SHISAL1: variants seen among roughly 807,000 people sequenced by gnomAD.
The protein encoded by SHISAL1 is shisa like 1.
In SHISAL1, 9 loss-of-function variants were observed where a neutral mutation model predicts 22.6. The observed-to-expected ratio is 0.40, with a 90% CI of 0.24 to 0.70. SHISAL1 has a LOEUF of 0.70. SHISAL1 is among the 30% of genes least tolerant of loss of function. SHISAL1 has a pLI of 0.39. For synonymous variants in SHISAL1, 119 were observed against 115.4 expected (o/e 1.03, Z -0.20); for missense variants, 246 against 270.6 (o/e 0.91, Z 0.64).
intron 3 of SHISAL1, among the ~76,000 whole-genome samples, chr22:44,291,356 G>A (rs2055351314): frequency 1.3e-5 from 2 of 152,194 alleles, no homozygotes; most frequent in African/African-American, 2.4e-5. Flanking sequence ...CAGGATGACC[G>A]ATACGGCTGA....
At chr22:44,271,578 A>G (rs1161554607) in intron 4 of SHISAL1, among the ~76,000 whole-genome samples, 1 of 152,232 alleles carries the variant, frequency 6.6e-6, no homozygotes, top group Non-Finnish European at 1.5e-5. Flanking sequence ...GAAATATTTT[A>G]GCAGTTAAGA....
chr22:44,317,326 G>A (rs1601811880), upstream of SHISAL1, among the ~76,000 whole-genome samples: 1 of 152,214 alleles, frequency 6.6e-6, no homozygotes, highest in African/African-American at 2.4e-5. Context: ...AGCAAGCCAG[G>A]CCTGTCCTTA....
intron 4 of SHISAL1, among the ~76,000 whole-genome samples, chr22:44,263,255 G>C (rs1362809637): frequency 6.6e-6 from 1 of 151,952 alleles, no homozygotes; most frequent in Admixed American, 6.6e-5. Context: ...ATTTTTAGTA[G>C]AGATGGGGTT....
rs955133765 is a variant in SHISAL1, at chr22:44,248,568, C to G, written c.*1117G>C. 2.0e-5 allele frequency: 3 copies of G among 152,166 alleles called. No homozygotes were observed. The highest frequency in any genetic ancestry group is 2.0e-4 in the Admixed American group (3 of 15,270). The allele number at this position is 152,166 out of a possible 1,614,324, so 9.4% of individuals were successfully genotyped here. A position where few individuals can be genotyped will look rare whatever the true frequency, so the allele number is the denominator to read the frequency against. On this transcript the variant is annotated 3_prime_UTR_variant, in exon 5 of 5. Transcript: ENST00000381176. ...AACGCTCCTGCCTGGGTTTCCATGG[C>G]CTTGTTACCCTTTCCAGCAAAGATC...
chr22:44,316,428 A>G (rs1379269145), upstream of SHISAL1, among the ~76,000 whole-genome samples: 3 of 150,356 alleles, frequency 2.0e-5, no homozygotes, highest in East Asian at 6.0e-4. Context: ...GGGGCAAAGG[A>G]TTTGCATCTC....
chr22:44,254,743 G>T (rs1156911412), intron 4 of SHISAL1, among the ~76,000 whole-genome samples: 2 of 130,768 alleles, frequency 1.5e-5, no homozygotes, highest in African/African-American at 6.4e-5. Flanking sequence ...ATATGTAGAA[G>T]GTGGAGGTGA....
chr22:44,304,739 G>A (rs2055458445), intron 1 of SHISAL1, among the ~76,000 whole-genome samples: 1 of 152,190 alleles, frequency 6.6e-6, no homozygotes, highest in Non-Finnish European at 1.5e-5. Flanking sequence ...AAAATGCGCT[G>A]TGGGAGTGGA....
intron 4 of SHISAL1, among the ~76,000 whole-genome samples, chr22:44,267,895 G>A (rs1370595183): frequency 6.6e-6 from 1 of 152,254 alleles, no homozygotes; most frequent in East Asian, 1.9e-4. Context: ...ATGGAAGGCT[G>A]TGGATGCCCA....
chr22:44,244,979 T>A lies in SHISAL1; in HGVS notation c.*4706A>T, dbSNP rs891311479. On this transcript the variant is annotated 3_prime_UTR_variant, in exon 5 of 5. Transcript: ENST00000381176. ...GGCACTGTGCATGGCATCTGGCACA[T>A]AGTAAGTGCGCAGGCTTGTCTTCCA... 6.6e-6 allele frequency: 1 copy of A among 152,240 alleles called. No individual in the cohort carries two copies. The highest frequency in any genetic ancestry group is 1.5e-5 in the Non-Finnish European group (1 of 68,074). The allele number at this position is 152,240 out of a possible 1,614,324, so 9.4% of individuals were successfully genotyped here.
chr22:44,272,421 T>G (rs2055211718), intron 4 of SHISAL1, among the ~76,000 whole-genome samples: 1 of 152,224 alleles, frequency 6.6e-6, no homozygotes, highest in South Asian at 2.1e-4. Context: ...GCCCGGCCTT[T>G]TTCATCTTTC....
chr22:44,261,716 C>G (rs1291502390), intron 4 of SHISAL1, among the ~76,000 whole-genome samples: 1 of 152,274 alleles, frequency 6.6e-6, no homozygotes, highest in East Asian at 1.9e-4. Context: ...TCTTGTTCTG[C>G]TCTCACGGCA....
At chr22:44,287,250 G>A (rs975946466) in intron 3 of SHISAL1, among the ~76,000 whole-genome samples, 3 of 152,318 alleles carry the variant, frequency 2.0e-5, no homozygotes, top group Non-Finnish European at 2.9e-5. Context: ...CAGCCCTGGC[G>A]CCAGCAGTGG....
rs946648869 is a variant in SHISAL1 at position 44,296,966 on chromosome 22, T to C, written c.68-81A>G. 1.1e-5 allele frequency: 12 copies of C among 1,085,016 alleles called. No homozygotes were observed. The South Asian group carries it at 1.7e-4, about 15-fold the overall frequency. 67.2% of individuals were successfully genotyped at this position (1,085,016 alleles called of 1,614,324 possible). A position where few individuals can be genotyped will look rare whatever the true frequency, so the allele number is the denominator to read the frequency against. ...AGAGGCAGGGGGACTGGCCGGCCTC[T>C]TCTCAGGTCCTGCCTGCTTCTTCCC... On this transcript the variant is annotated intron_variant, in intron 2 of 4. Coordinates refer to ENST00000381176, the MANE Select transcript of SHISAL1 (RefSeq NM_001099294.2).
At chr22:44,262,920 G>T (rs945837276) in intron 4 of SHISAL1, among the ~76,000 whole-genome samples, 5 of 152,144 alleles carry the variant, frequency 3.3e-5, no homozygotes, top group African/African-American at 7.2e-5. Flanking sequence ...TCCCGCAGAC[G>T]AAAGCAGAGG....
upstream of SHISAL1, among the ~76,000 whole-genome samples, chr22:44,317,675 C>A (rs1299211497): frequency 6.6e-6 from 1 of 152,186 alleles, no homozygotes; most frequent in African/African-American, 2.4e-5. Context: ...AAGAATAAAC[C>A]ACTGGATGGT....
chr22:44,284,774 A>G (rs113522187), intron 4 of SHISAL1, among the ~76,000 whole-genome samples: 4,088 of 152,284 alleles, frequency 0.027, 269 homozygotes, highest in Admixed American at 0.17. Flanking sequence ...GGTCAGGCCC[A>G]TCCCCACCAT....
intron 4 of SHISAL1, among the ~76,000 whole-genome samples, chr22:44,266,295 G>C (rs2055160472): frequency 6.6e-6 from 1 of 152,190 alleles, no homozygotes; most frequent in South Asian, 2.1e-4. Context: ...AGATGCTTAA[G>C]GGAATTTTTA....
At chr22:44,314,155 CA>C (rs1255199371), upstream of SHISAL1, among the ~76,000 whole-genome samples, 1 of 104,336 alleles carries the variant, frequency 9.6e-6, no homozygotes, top group Non-Finnish European at 1.8e-5. Flanking sequence ...GGACTCAGAC[CA>C]GGGGGTCTGG....
chr22:44,294,346 C>T (rs1055149946), intron 3 of SHISAL1, among the ~76,000 whole-genome samples: 1 of 152,196 alleles, frequency 6.6e-6, no homozygotes, highest in Non-Finnish European at 1.5e-5. Context: ...GAACAGGCGG[C>T]TTCCCCCTGA....
Sources: allele counts gnomAD v4.1 joint callset (sites outside exome capture counted in the v4.1 genomes callset), GRCh38; gene constraint gnomAD v4.1.1; transcripts MANE v1.5; gene names NCBI Gene and HGNC (gene_info 2026-07-23, HGNC 2026-07-21).